Variants in NBEA observed in about 807,000 individuals in gnomAD.
The protein encoded by NBEA is neurobeachin.
NBEA carries 44 observed loss-of-function variants against 343.4 expected under a neutral mutation model. The ratio of observed to expected loss-of-function variants is 0.13; its 90% CI spans 0.10 to 0.16. The LOEUF is 0.16. Ranked by LOEUF, NBEA falls within the 10% of genes least tolerant of loss-of-function variation. The probability of loss-of-function intolerance (pLI) is 1.00; values close to 1 mark genes in which losing one functional copy is unlikely to be tolerated. For missense variants in NBEA, 2,555 were observed against 3,631.3 expected (o/e 0.70, Z 7.62); for synonymous variants, 1,175 against 1,238.7 (o/e 0.95, Z 1.08).
intron 38 of NBEA, among the ~76,000 whole-genome samples, chr13:35,416,998 T>C (rs1015427436): frequency 6.6e-6 from 1 of 152,182 alleles, no homozygotes; most frequent in Non-Finnish European, 1.5e-5. Flanking sequence ...TATCCGTTTC[T>C]TCTAGATTTT....
rs371213802 is a variant in NBEA, at chr13:35,472,411, C to A, written c.6460C>A (p.Leu2154Ile). 7.4e-6 allele frequency: 12 copies of A among 1,613,544 alleles called. No individual in the cohort carries two copies. Among genetic ancestry groups the A allele is most frequent in the Non-Finnish European group, 1.0e-5 (12 of 1,179,842 alleles). ...TCCTTGCCTTGCAGGCCCAGTGGTT[C>A]TCAGCACCCCTGCCCAGCTCATCGC... is the stretch of plus-strand genomic sequence containing the variant. ...EIDNLAGPVV[L>I]STPAQLIAPV... The change falls in exon 41 of 59, where the codon CTC (leucine) becomes ATC (isoleucine). Residue 2154 changes from leucine to isoleucine, a missense_variant. Around this residue, in one of 21 missense-constraint regions of NBEA, gnomAD observed 246 missense variants for 313.7 expected, o/e 0.78. Transcript: ENST00000379939.
At chr13:35,277,650 T>TGG (rs1405817893) in intron 34 of NBEA, among the ~76,000 whole-genome samples, 2 of 78,326 alleles carry the variant, frequency 2.6e-5, no homozygotes, top group Non-Finnish European at 5.3e-5. Flanking sequence ...AAAAAAAAAG[T>TGG]GGGGGAAACA....
intron 41 of NBEA, among the ~76,000 whole-genome samples, chr13:35,541,900 G>A (rs1044007784): frequency 4.6e-5 from 7 of 151,870 alleles, no homozygotes; most frequent in Admixed American, 1.3e-4. Context: ...TCATTCAATC[G>A]CACAATGACC....
intron 1 of NBEA, among the ~76,000 whole-genome samples, chr13:34,963,445 C>T (rs1003297340): frequency 2.0e-5 from 3 of 151,998 alleles, no homozygotes; most frequent in African/African-American, 7.2e-5. Context: ...TTAGGCTGTA[C>T]TGTGTTCCCC....
At position 35,655,629 on chromosome 13, in the gene NBEA, G is replaced by A. The variant is rs1256365739; in HGVS notation, c.8242G>A (p.Ala2748Thr). 2 of 1,613,848 alleles carry A rather than the reference G, an allele frequency of 1.2e-6. No individual in the cohort carries two copies. Among genetic ancestry groups the A allele is most frequent in the Non-Finnish European group, 1.7e-6 (2 of 1,179,866 alleles). ...FGHWDVVTCL[A>T]RSESYIGGDC... ...CCATTGGGATGTGGTCACTTGCTTG[G>A]CCAGGTCCGAGTCATACATTGGTGG... Residue 2748 changes from alanine to threonine, a missense_variant, in exon 55 of 59, where the codon GCC becomes ACC. Physicochemically the swap from Ala to Thr is moderately conservative, Grantham distance 58 (BLOSUM62 0). Around this residue, in one of 21 missense-constraint regions of NBEA, gnomAD observed 186 missense variants for 328.9 expected, o/e 0.57. Coordinates refer to ENST00000379939, the MANE Select transcript of NBEA (RefSeq NM_001385012.1).
At chr13:35,249,646 A>G (rs567019418) in intron 34 of NBEA, among the ~76,000 whole-genome samples, 1 of 152,354 alleles carries the variant, frequency 6.6e-6, no homozygotes, top group East Asian at 1.9e-4. Flanking sequence ...TTGTGCAGCC[A>G]GTATGGAAAA....
intron 33 of NBEA, among the ~76,000 whole-genome samples, chr13:35,220,895 T>A (rs2152761233): frequency 1.3e-5 from 2 of 152,276 alleles, no homozygotes; most frequent in South Asian, 4.1e-4. Flanking sequence ...ATCTATATCC[T>A]TTCCCCCTAT....
At chr13:35,299,357 C>G (rs568648740) in intron 35 of NBEA, among the ~76,000 whole-genome samples, 1 of 152,170 alleles carries the variant, frequency 6.6e-6, no homozygotes, top group South Asian at 2.1e-4. Context: ...ATTGAGTTGA[C>G]ATAGATGGGG....
At chr13:35,461,524 G>T (rs1236958219) in intron 40 of NBEA, among the ~76,000 whole-genome samples, 1 of 152,130 alleles carries the variant, frequency 6.6e-6, no homozygotes, top group East Asian at 1.9e-4. Flanking sequence ...TGTGAATGAG[G>T]ATATTGATCA....
intron 37 of NBEA, among the ~76,000 whole-genome samples, chr13:35,350,877 A>G (rs2040164216): frequency 6.6e-6 from 1 of 151,780 alleles, no homozygotes; most frequent in Admixed American, 6.6e-5. Context: ...ATCAGCCTAT[A>G]ATTAGGAAGA....
chr13:35,183,930 G>C, intron 29 of NBEA, 46 bp from the exon 30 acceptor site: 2 of 1,429,190 alleles, frequency 1.4e-6, no homozygotes, highest in Non-Finnish European at 9.8e-7. Context: ...CATGTGGCAG[G>C]TTGTTACATG....
chr13:35,090,368 C>T (rs921834061), intron 10 of NBEA, among the ~76,000 whole-genome samples: 1 of 151,844 alleles, frequency 6.6e-6, no homozygotes, highest in Admixed American at 6.6e-5. Flanking sequence ...ACATAATTAA[C>T]TATAATGGGG....
At chr13:35,106,528 T>C (rs1332837381) in intron 11 of NBEA, among the ~76,000 whole-genome samples, 1 of 151,898 alleles carries the variant, frequency 6.6e-6, no homozygotes, top group Non-Finnish European at 1.5e-5. Flanking sequence ...GATTTCTTTT[T>C]TACACTAACA....
At chr13:35,076,351 G>A (rs2064118303) in intron 10 of NBEA, among the ~76,000 whole-genome samples, 1 of 151,874 alleles carries the variant, frequency 6.6e-6, no homozygotes, top group Non-Finnish European at 1.5e-5. Flanking sequence ...GAAGTAATTT[G>A]GTTAGTGAGA....
chr13:35,169,317 G>T (rs2070283514), intron 25 of NBEA, among the ~76,000 whole-genome samples: 1 of 151,448 alleles, frequency 6.6e-6, no homozygotes, highest in African/African-American at 2.4e-5. Flanking sequence ...TTTAATAATT[G>T]TATGAGAGTG....
intron 41 of NBEA, among the ~76,000 whole-genome samples, chr13:35,550,263 AAT>A (rs2153012524): frequency 6.6e-6 from 1 of 152,304 alleles, no homozygotes; most frequent in East Asian, 1.9e-4. Flanking sequence ...AGTCTCCTTG[AAT>A]ATGTTTTTCT....
At chr13:35,411,885 T>C (rs774590590) in intron 38 of NBEA, among the ~76,000 whole-genome samples, 5 of 152,106 alleles carry the variant, frequency 3.3e-5, no homozygotes, top group Non-Finnish European at 7.3e-5. Context: ...ATTTCTTTAA[T>C]TCTTCCCATG....
intron 22 of NBEA, 137 bp downstream of exon 22, chr13:35,160,169 T>C: frequency 1.3e-6 from 1 of 799,598 alleles, no homozygotes. Context: ...TGGAACTAAA[T>C]AGTGCGGTAT....
chr13:35,531,992 A>G (rs985578144), intron 41 of NBEA, among the ~76,000 whole-genome samples: 3 of 152,176 alleles, frequency 2.0e-5, no homozygotes, highest in African/African-American at 7.2e-5. Flanking sequence ...CTTGTACTGG[A>G]CCTGAGATTC....
Sources: allele counts gnomAD v4.1 joint callset (sites outside exome capture counted in the v4.1 genomes callset), GRCh38; gene constraint gnomAD v4.1.1; regional missense constraint gnomAD v4.1.1; transcripts MANE v1.5; gene names NCBI Gene and HGNC (gene_info 2026-07-23, HGNC 2026-07-21).